The following PPM1E variants were observed in gnomAD, a reference collection of about 807,000 sequenced individuals.
PPM1E encodes the protein protein phosphatase, Mg2+/Mn2+ dependent 1E.
In PPM1E, 20 loss-of-function variants were observed where a neutral mutation model predicts 65.9. The ratio of observed to expected loss-of-function variants is 0.30; its 90% CI spans 0.21 to 0.44. PPM1E has a LOEUF of 0.44. Ranked by LOEUF, PPM1E falls within the 20% of genes least tolerant of loss-of-function variation. The probability of loss-of-function intolerance (pLI) is 1.00; values close to 1 mark genes in which losing one functional copy is unlikely to be tolerated. For missense variants in PPM1E, 713 were observed against 953.1 expected (o/e 0.75, Z 3.32); for synonymous variants, 352 against 374.9 (o/e 0.94, Z 0.70).
Position 58,825,545 on chromosome 17 carries a change from T to A in PPM1E, c.464+69084T>A, listed in dbSNP as rs573980119. Among the ~76,000 whole-genome samples, 18 of 152,234 alleles carry A rather than the reference T, an allele frequency of 1.2e-4. No individual in the cohort carries two copies. In the South Asian group the frequency reaches 2.5e-3, roughly 21 times the overall value. ...GAAACAAATGAAAACGTATTTTTTT[T>A]ATTCTCTGTTGTTTTTTGTTGTTGT... On this transcript the variant is annotated intron_variant, in intron 1 of 6. Transcript: ENST00000308249.
intron 1 of PPM1E, among the ~76,000 whole-genome samples, chr17:58,849,456 A>G (rs2050803794): frequency 6.6e-6 from 1 of 152,052 alleles, no homozygotes; most frequent in African/African-American, 2.4e-5. Context: ...TGTCCCAGAG[A>G]TTCTGGTATG....
chr17:58,792,495 C>A (rs1270277450), intron 1 of PPM1E, among the ~76,000 whole-genome samples: 2 of 151,102 alleles, frequency 1.3e-5, no homozygotes, highest in Non-Finnish European at 2.9e-5. Context: ...TGTGCACCAC[C>A]ATGCCCTGCT....
chr17:58,756,167 A>G lies in PPM1E; in HGVS notation c.170A>G (p.Glu57Gly). The change falls in exon 1 of 7, where the codon GAG becomes GGG. Residue 57 changes from glutamate to glycine, a missense_variant. By Grantham distance (98) the Glu-to-Gly change is moderately conservative (BLOSUM62 -2). This residue lies in a region of PPM1E where 212 missense variants were observed against 204.0 expected (regional missense o/e 1.04). Transcript: ENST00000308249. ...CCCGAACCTGAACTGGTAGAAGCTGAGGCGGCCGAGGCTTCGGTAGAGGAA... is the reference window on the plus strand; with the variant it reads ...CCCGAACCTGAACTGGTAGAAGCTGGGGCGGCCGAGGCTTCGGTAGAGGAA... The part of the protein sequence containing the change: ...PEPEPELVEA[E>G]AAEASVEEPG... The G allele has an allele frequency of 2.5e-6, 4 of 1,579,124 alleles. No individual in the cohort carries two copies. Among genetic ancestry groups the G allele is most frequent in the Non-Finnish European group, 3.4e-6 (4 of 1,162,436 alleles).
At chr17:58,973,064 C>A in intron 6 of PPM1E, 139 bp downstream of exon 6, 1 of 591,408 alleles carries the variant, frequency 1.7e-6, no homozygotes, top group South Asian at 2.1e-5. Context: ...AATTGGATAA[C>A]GTCTCTTTTA....
At chr17:58,971,767 G>A (rs966726393) in intron 4 of PPM1E, among the ~76,000 whole-genome samples, 2 of 152,188 alleles carry the variant, frequency 1.3e-5, no homozygotes, top group Non-Finnish European at 2.9e-5. Context: ...CTGAGGATTG[G>A]TATAGAGGAT....
chr17:58,849,235 C>T (rs2050801366), intron 1 of PPM1E, among the ~76,000 whole-genome samples: 1 of 151,996 alleles, frequency 6.6e-6, no homozygotes, highest in Non-Finnish European at 1.5e-5. Context: ...CTGGATTCAT[C>T]GATTTTTTTG....
At chr17:58,829,810 A>G (rs2050580204) in intron 1 of PPM1E, among the ~76,000 whole-genome samples, 1 of 152,140 alleles carries the variant, frequency 6.6e-6, no homozygotes, top group African/African-American at 2.4e-5. Context: ...TTTTTCAGAT[A>G]TTTCAGTTAA....
intron 1 of PPM1E, among the ~76,000 whole-genome samples, chr17:58,844,138 G>GGATA (rs1186157706): frequency 1.3e-5 from 2 of 152,064 alleles, no homozygotes; most frequent in Non-Finnish European, 2.9e-5. Flanking sequence ...AGGACTGTAG[G>GGATA]TCCTGGGATA....
intron 1 of PPM1E, among the ~76,000 whole-genome samples, chr17:58,832,845 C>G (rs34680246): frequency 0.043 from 6,357 of 148,702 alleles, 200 homozygotes; most frequent in Non-Finnish European, 0.063. Flanking sequence ...GATGGAGCCT[C>G]GCTCTGTTAC....
chr17:58,955,766 G>A lies in PPM1E; in HGVS notation c.582G>A (p.Val194=), dbSNP rs753180691. ...PKETDGTEGT[V]EIETVKLARS... Reference sequence around the variant, plus strand: ...AAACGGATGGCACAGAAGGGACTGTGGGTGAGTACCTTTCTACATTATTTG... The same window carrying A: ...AAACGGATGGCACAGAAGGGACTGTAGGTGAGTACCTTTCTACATTATTTG... The change falls in exon 2 of 7, where the codon GTG becomes GTA. Residue 194 remains valine (V), a splice_region_variant and synonymous_variant. Coordinates refer to ENST00000308249, the MANE Select transcript of PPM1E (RefSeq NM_014906.5). 6 of 1,589,336 alleles carry A rather than the reference G, an allele frequency of 3.8e-6. No homozygotes were observed. In the East Asian group the frequency reaches 6.7e-5, roughly 18 times the overall value.
At chr17:58,806,252 C>G (rs1336621535) in intron 1 of PPM1E, among the ~76,000 whole-genome samples, 1 of 149,034 alleles carries the variant, frequency 6.7e-6, no homozygotes, top group Non-Finnish European at 1.5e-5. Context: ...GTTTTTTTTT[C>G]CTTCTTATCA....
chr17:58,963,550 GA>G (rs552621154), intron 2 of PPM1E, among the ~76,000 whole-genome samples: 2 of 146,572 alleles, frequency 1.4e-5, no homozygotes, highest in African/African-American at 2.5e-5. Context: ...AAAAATGTGA[GA>G]AAAAAAAATT....
intron 1 of PPM1E, among the ~76,000 whole-genome samples, chr17:58,847,695 C>T (rs1158571015): frequency 6.6e-6 from 1 of 152,154 alleles, no homozygotes; most frequent in Non-Finnish European, 1.5e-5. Flanking sequence ...AGTTTGAAGT[C>T]AGGTAGCATG....
chr17:58,978,615 G>A (rs756209266), intron 6 of PPM1E, among the ~76,000 whole-genome samples: 1 of 152,186 alleles, frequency 6.6e-6, no homozygotes, highest in Non-Finnish European at 1.5e-5. Flanking sequence ...GGAGGCGGAG[G>A]CAGGAGAATT....
rs189220372 is a variant in PPM1E, at chr17:58,971,019, G to A, written c.973-1113G>A. On this transcript the variant is annotated intron_variant, in intron 4 of 6. Transcript: ENST00000308249. ...CATGTTTACCTCATTTGTTTTGTCA[G>A]TGACCCTGGTGTCTCTCAGTTCTGC... Among the ~76,000 whole-genome samples the A allele has an allele frequency of 4.5e-4, 68 of 152,014 alleles. 1 individual carries two copies. Among genetic ancestry groups the A allele is most frequent in the Admixed American group, 4.2e-3 (64 of 15,260 alleles).
intron 1 of PPM1E, among the ~76,000 whole-genome samples, chr17:58,920,010 G>A (rs1266904043): frequency 6.6e-6 from 1 of 152,142 alleles, no homozygotes; most frequent in Admixed American, 6.5e-5. Flanking sequence ...GGGAAGCATA[G>A]TAATGATGGT....
chr17:58,857,181 T>G (rs570159975), intron 1 of PPM1E, among the ~76,000 whole-genome samples: 1 of 152,290 alleles, frequency 6.6e-6, no homozygotes, highest in Admixed American at 6.5e-5. Flanking sequence ...TGCTTTTACA[T>G]AACCACAGTA....
chr17:58,818,289 C>G (rs543561010), intron 1 of PPM1E, among the ~76,000 whole-genome samples: 8 of 152,246 alleles, frequency 5.3e-5, no homozygotes, highest in African/African-American at 1.9e-4. Flanking sequence ...AGGCACACAA[C>G]AGAGGTTTAA....
intron 1 of PPM1E, among the ~76,000 whole-genome samples, chr17:58,775,384 T>G (rs747278767): frequency 6.5e-4 from 99 of 152,124 alleles, no homozygotes; most frequent in Non-Finnish European, 1.2e-3. Flanking sequence ...CAGTATAATC[T>G]AGCTTCAGAG....
Sources: allele counts gnomAD v4.1 joint callset (sites outside exome capture counted in the v4.1 genomes callset), GRCh38; gene constraint gnomAD v4.1.1; regional missense constraint gnomAD v4.1.1; transcripts MANE v1.5; gene names NCBI Gene and HGNC (gene_info 2026-07-23, HGNC 2026-07-21).